Variants in RBM19 observed in about 807,000 individuals in gnomAD.
The protein encoded by RBM19 is probable RNA-binding protein 19.
Under a neutral mutation model 116.8 loss-of-function variants are expected in RBM19, and 94 were observed. The ratio of observed to expected loss-of-function variants is 0.80; its 90% CI spans 0.68 to 0.95. The LOEUF is 0.95. Ranked by LOEUF, RBM19 falls within the 40% of genes least tolerant of loss-of-function variation. The probability of loss-of-function intolerance (pLI) is 0.00; values close to 1 mark genes in which losing one functional copy is unlikely to be tolerated. For missense variants in RBM19, 1,161 were observed against 1,220.7 expected, an observed-to-expected ratio of 0.95 and a Z score of 0.73; for synonymous variants, 475 against 494.1, an observed-to-expected ratio of 0.96 and a Z score of 0.51.
intron 20 of RBM19, among the ~76,000 whole-genome samples, chr12:113,915,753 G>A (rs528091672): frequency 6.6e-6 from 1 of 152,198 alleles, no homozygotes; most frequent in Non-Finnish European, 1.5e-5. Flanking sequence ...CTGTAGAATG[G>A]GTGTAATGAT....
chr12:113,877,614 G>C (rs1287978240), intron 21 of RBM19, among the ~76,000 whole-genome samples: 2 of 152,224 alleles, frequency 1.3e-5, no homozygotes, highest in South Asian at 2.1e-4. Context: ...ACTAAAACAG[G>C]CCTCAAAAAG....
At chr12:113,942,288 G>A (rs1240860055) in intron 14 of RBM19, 36 bp downstream of exon 14, 2 of 1,577,128 alleles carry the variant, frequency 1.3e-6, no homozygotes, top group East Asian at 2.2e-5. Context: ...ACTCTCCAGT[G>A]GCTGCTGGCT....
intron 21 of RBM19, among the ~76,000 whole-genome samples, chr12:113,896,261 C>T (rs1044859353): frequency 6.6e-6 from 1 of 152,238 alleles, no homozygotes; most frequent in Non-Finnish European, 1.5e-5. Flanking sequence ...CACCTATCTT[C>T]CCTGTAATGT....
chr12:113,857,739 C>T (rs1028586677), intron 22 of RBM19, among the ~76,000 whole-genome samples: 2 of 152,252 alleles, frequency 1.3e-5, no homozygotes, highest in African/African-American at 4.8e-5. Flanking sequence ...GCCTTCTCTG[C>T]CTGTGCATGT....
intron 16 of RBM19, among the ~76,000 whole-genome samples, chr12:113,932,248 GTGCC>G (rs1249413559): frequency 6.6e-6 from 1 of 152,160 alleles, no homozygotes; most frequent in Non-Finnish European, 1.5e-5. Context: ...GGCCATCATG[GTGCC>G]TACTTGCAGG....
At chr12:113,831,216 A>T (rs1376203121) in intron 23 of RBM19, among the ~76,000 whole-genome samples, 1 of 148,038 alleles carries the variant, frequency 6.8e-6, no homozygotes. Context: ...AGGCAAAATA[A>T]AGATCTAATT....
chr12:113,868,130 G>A (rs7137189), intron 21 of RBM19, among the ~76,000 whole-genome samples: 26,705 of 152,100 alleles, frequency 0.18, 3,031 homozygotes, highest in East Asian at 0.47. Flanking sequence ...TAACTCTGTG[G>A]GGCAGCTGTG....
chr12:113,859,010 A>G, intron 21 of RBM19, 114 bp from the exon 22 acceptor site: 1 of 880,586 alleles, frequency 1.1e-6, no homozygotes, highest in Non-Finnish European at 1.8e-6. Context: ...AGACAAGTGC[A>G]TGCAGGCACA....
At chr12:113,860,604 C>T (rs145754358) in intron 21 of RBM19, among the ~76,000 whole-genome samples, 127 of 152,344 alleles carry the variant, frequency 8.3e-4, no homozygotes, top group Admixed American at 5.4e-3. Flanking sequence ...TTTCTCAACA[C>T]GGCCATAGAC....
chr12:113,857,317 CCCA>C (rs1877986121), intron 22 of RBM19, among the ~76,000 whole-genome samples: 1 of 152,246 alleles, frequency 6.6e-6, no homozygotes, highest in South Asian at 2.1e-4. Context: ...GTATCGAGTA[CCCA>C]CCACATGCCA....
chr12:113,958,417 T>G (rs1265430460), intron 5 of RBM19, among the ~76,000 whole-genome samples: 2 of 152,114 alleles, frequency 1.3e-5, no homozygotes, highest in Non-Finnish European at 2.9e-5. Context: ...AGGCTCCTCA[T>G]CAGGGCTGGC....
At chr12:113,913,572 CA>C (rs756122041) in intron 21 of RBM19, among the ~76,000 whole-genome samples, 12 of 152,326 alleles carry the variant, frequency 7.9e-5, no homozygotes, top group Non-Finnish European at 1.6e-4. Flanking sequence ...AAAAGGAGGA[CA>C]AAGATATCTG....
intron 22 of RBM19, among the ~76,000 whole-genome samples, chr12:113,851,116 A>G (rs146586558): frequency 1.1e-3 from 163 of 152,332 alleles, no homozygotes; most frequent in African/African-American, 3.8e-3. Flanking sequence ...TCTGCTAGGC[A>G]GGAGTTTGCC....
At chr12:113,955,070 C>T in intron 7 of RBM19, 61 bp downstream of exon 7, 2 of 1,552,098 alleles carry the variant, frequency 1.3e-6, no homozygotes, top group Non-Finnish European at 8.9e-7. Context: ...GGCTCCTGGC[C>T]TCCCCACCCT....
At chr12:113,873,867 G>A (rs1052207070) in intron 21 of RBM19, among the ~76,000 whole-genome samples, 1 of 152,210 alleles carries the variant, frequency 6.6e-6, no homozygotes, top group African/African-American at 2.4e-5. Context: ...GATGAGCTGA[G>A]TTACACGTGT....
rs749401066 is a variant in RBM19 at position 113,924,690 on chromosome 12, G to A, written c.2305+7C>T. On this transcript the variant is annotated splice_region_variant and intron_variant, in intron 18 of 23. Transcript: ENST00000261741. ...ACTGAACACTTTCCGAATTTCATGC[G>A]GAATACCTGCTTTGTTCTTCTTCTT... The A allele has an allele frequency of 1.5e-5, 23 of 1,536,758 alleles. No homozygotes were observed. The highest frequency in any genetic ancestry group is 1.7e-4 in the Middle Eastern group (1 of 5,920).
At chr12:113,910,216 C>T (rs533515961) in intron 21 of RBM19, among the ~76,000 whole-genome samples, 3 of 152,284 alleles carry the variant, frequency 2.0e-5, no homozygotes, top group South Asian at 4.1e-4. Flanking sequence ...TCAGCCTGTC[C>T]ACCCACCCTC....
chr12:113,862,390 G>A (rs1338774048), intron 21 of RBM19, among the ~76,000 whole-genome samples: 1 of 152,070 alleles, frequency 6.6e-6, no homozygotes, highest in Non-Finnish European at 1.5e-5. Flanking sequence ...CTTGTATAAC[G>A]GTGTGGGATC....
chr12:113,856,180 C>G (rs752956261), intron 22 of RBM19, among the ~76,000 whole-genome samples: 5 of 152,282 alleles, frequency 3.3e-5, no homozygotes, highest in Middle Eastern at 3.4e-3. Context: ...CTTTCTCCTC[C>G]CAGAGCCCGG....
Sources: gnomAD v4.1 joint callset for allele counts (sites outside exome capture counted in the v4.1 genomes callset) on GRCh38, gnomAD v4.1.1 for gene constraint, MANE v1.5 for transcripts, NCBI Gene and HGNC (gene_info 2026-07-23, HGNC 2026-07-21) for gene names.